The following STAT5B variants were observed in gnomAD, a reference collection of about 807,000 sequenced individuals.
The protein encoded by STAT5B is signal transducer and activator of transcription 5B.
Under a neutral mutation model 107.8 loss-of-function variants are expected in STAT5B, and 21 were observed. The observed-to-expected ratio is 0.19, with a 90% CI of 0.14 to 0.28. The LOEUF (loss-of-function observed/expected upper bound fraction) is 0.28, where lower values mean the gene tolerates loss of function less well. Ranked by LOEUF, STAT5B falls within the 10% of genes least tolerant of loss-of-function variation. STAT5B has a pLI of 1.00. For missense variants in STAT5B, 565 were observed against 1,008.2 expected (o/e 0.56, Z 5.95); for synonymous variants, 325 against 401.7 (o/e 0.81, Z 2.28).
intron 1 of STAT5B, among the ~76,000 whole-genome samples, chr17:42,259,887 T>C (rs1217071290): frequency 7.2e-5 from 11 of 152,190 alleles, no homozygotes; most frequent in Non-Finnish European, 7.3e-5. Flanking sequence ...AGTTCCAGGA[T>C]ACATGTGCAG....
Position 42,212,040 on chromosome 17 carries a change from T to C in STAT5B, c.1624A>G (p.Ser542Gly), listed in dbSNP as rs761733940. The change falls in exon 13 of 19, where the codon AGC (serine) becomes GGC (glycine). Residue 542 changes from serine to glycine, a missense_variant. By Grantham distance (56) the Ser-to-Gly change is moderately conservative. Coordinates refer to ENST00000293328, the MANE Select transcript of STAT5B (RefSeq NM_012448.4). ...CCACTGTAGTCCTCCAGGTGGCTGC[T>C]GCTGTTGTTGAACAGTTTCTGCGCC... ...FLAQKLFNNSSSHLEDYSGLS... is the reference protein window; with the variant it reads ...FLAQKLFNNSGSHLEDYSGLS... 6.2e-7 allele frequency: 1 copy of C among 1,614,050 alleles called. No individual in the cohort carries two copies. Among genetic ancestry groups the C allele is most frequent in the South Asian group, 1.1e-5 (1 of 91,070 alleles).
At chr17:42,241,235 G>A (rs1480071721) in intron 1 of STAT5B, among the ~76,000 whole-genome samples, 1 of 151,578 alleles carries the variant, frequency 6.6e-6, no homozygotes, top group Non-Finnish European at 1.5e-5. Context: ...AGCTACTTGG[G>A]ATGCTGAGGC....
intron 1 of STAT5B, among the ~76,000 whole-genome samples, chr17:42,245,130 T>C (rs2080440531): frequency 7.1e-6 from 1 of 141,670 alleles, no homozygotes; most frequent in African/African-American, 2.7e-5. Context: ...CAGGTTGGAG[T>C]GCAGTGGCGC....
Position 42,251,353 on chromosome 17 carries a change from G to A in STAT5B, c.-10-19216C>T, listed in dbSNP as rs910361468. Among the ~76,000 whole-genome samples the A allele has an allele frequency of 2.6e-5, 4 of 152,194 alleles. No homozygotes were observed. In the East Asian group the frequency reaches 7.7e-4, roughly 29 times the overall value. On this transcript the variant is annotated intron_variant, in intron 1 of 18. Transcript: ENST00000293328. ...AATGCAACATTTCCTATAAGAAGCT[G>A]AGTTGTTAACTTTGTTAAACTTGTT...
At chr17:42,238,314 C>T (rs1478295665) in intron 1 of STAT5B, among the ~76,000 whole-genome samples, 1 of 137,858 alleles carries the variant, frequency 7.3e-6, no homozygotes, top group Admixed American at 7.3e-5. Context: ...AAGAAAAAAA[C>T]TTTTTTTTTT....
intron 17 of STAT5B, 148 bp from the exon 18 acceptor site, chr17:42,202,595 G>A: frequency 2.1e-6 from 3 of 1,431,420 alleles, no homozygotes; most frequent in Non-Finnish European, 2.9e-6. Context: ...ACAGGAGTGG[G>A]GCCTCAGGTA....
At chr17:42,240,033 C>CT (rs2080389696) in intron 1 of STAT5B, among the ~76,000 whole-genome samples, 1 of 152,204 alleles carries the variant, frequency 6.6e-6, no homozygotes, top group East Asian at 1.9e-4. Context: ...ATTTGGGAGA[C>CT]TGAGGCAGGG....
chr17:42,284,695 G>A, the STAT5B span, among the ~76,000 whole-genome samples: 4 of 152,354 alleles, frequency 2.6e-5, no homozygotes, highest in South Asian at 4.1e-4. Context: ...GCTCCGCACC[G>A]CAGAAAAATG....
At chr17:42,278,703 G>T (rs184395479), upstream of STAT5B, among the ~76,000 whole-genome samples, 3 of 152,116 alleles carry the variant, frequency 2.0e-5, no homozygotes, top group Admixed American at 1.3e-4. Flanking sequence ...TTTGTAGGCC[G>T]GGCACGGTGG....
At chr17:42,273,258 C>T (rs1467055802) in intron 1 of STAT5B, among the ~76,000 whole-genome samples, 1 of 151,958 alleles carries the variant, frequency 6.6e-6, no homozygotes, top group Non-Finnish European at 1.5e-5. Context: ...GTTCTATTCA[C>T]AAAGCTCAGA....
chr17:42,205,574 C>T (rs1405801863), intron 16 of STAT5B, among the ~76,000 whole-genome samples: 1 of 152,118 alleles, frequency 6.6e-6, no homozygotes, highest in Non-Finnish European at 1.5e-5. Flanking sequence ...TTCTCTAGAT[C>T]TTTGTATGGC....
chr17:42,251,543 G>A (rs906016863), intron 1 of STAT5B, among the ~76,000 whole-genome samples: 2 of 152,142 alleles, frequency 1.3e-5, no homozygotes, highest in African/African-American at 4.8e-5. Flanking sequence ...ACCCCAGTGT[G>A]TAAGACAGGA....
In STAT5B at chr17:42,202,983, T is replaced by C. The variant is rs149564564; in HGVS notation, c.2078-175A>G. ...TTTTTGAAACAGTCTCACTCTCTCA[T>C]CCAGGCTGGAGTACGGTGGTGCAAT... On this transcript the variant is annotated intron_variant, in intron 16 of 18. Transcript: ENST00000293328. The C allele has an allele frequency of 4.4e-4, 371 of 834,260 alleles. 1 individual carries two copies. Among genetic ancestry groups the C allele is most frequent in the Non-Finnish European group, 6.8e-4 (353 of 516,246 alleles). The allele number at this position is 834,260 out of a possible 1,614,324, so 51.7% of individuals were successfully genotyped here.
Position 42,217,425 on chromosome 17 carries a change from C to A in STAT5B, c.1209G>T (p.Met403Ile), listed in dbSNP as rs2080181574. ...GGGTGCCTGTGGCTTGGTGGTACTC[C>A]ATGACGCAGCAGTTGTTCAAGATCT... Reference protein sequence around the residue: ...SGEILNNCCVMEYHQATGTLS... With the variant: ...SGEILNNCCVIEYHQATGTLS... Residue 403 changes from methionine (M) to isoleucine (I), a missense_variant, in exon 10 of 19, where the codon ATG becomes ATT. Met to Ile is a conservative substitution (Grantham distance 10). Around this residue, in one of 11 missense-constraint regions of STAT5B, gnomAD observed 70 missense variants for 73.2 expected, o/e 0.96. Coordinates refer to ENST00000293328, the MANE Select transcript of STAT5B (RefSeq NM_012448.4). 6.2e-7 allele frequency: 1 copy of A among 1,614,092 alleles called. No individual in the cohort carries two copies. Among genetic ancestry groups the A allele is most frequent in the Admixed American group, 1.7e-5 (1 of 60,008 alleles).
intron 1 of STAT5B, among the ~76,000 whole-genome samples, chr17:42,262,474 C>A (rs891552849): frequency 6.6e-6 from 1 of 151,930 alleles, no homozygotes; most frequent in Non-Finnish European, 1.5e-5. Context: ...ATGACTTATA[C>A]CCAAGAGAAA....
chr17:42,267,186 G>A (rs1309247996), intron 1 of STAT5B, among the ~76,000 whole-genome samples: 2 of 152,114 alleles, frequency 1.3e-5, no homozygotes, highest in Non-Finnish European at 2.9e-5. Flanking sequence ...ACATACAATT[G>A]CGTGCAGTAC....
intron 1 of STAT5B, among the ~76,000 whole-genome samples, chr17:42,252,856 AT>A (rs1283526381): frequency 6.6e-6 from 1 of 152,252 alleles, no homozygotes; most frequent in African/African-American, 2.4e-5. Flanking sequence ...ATGAGCTAAA[AT>A]TCCAAAGAAA....
At chr17:42,244,244 T>C (rs2080431579) in intron 1 of STAT5B, among the ~76,000 whole-genome samples, 1 of 150,416 alleles carries the variant, frequency 6.6e-6, no homozygotes, top group Admixed American at 6.6e-5. Context: ...TGTGCCACCA[T>C]GCCCGGCTAA....
At chr17:42,256,905 T>C (rs2080551070) in intron 1 of STAT5B, among the ~76,000 whole-genome samples, 1 of 150,922 alleles carries the variant, frequency 6.6e-6, no homozygotes, top group Admixed American at 6.6e-5. Flanking sequence ...ATACTTGTTC[T>C]ATTTTATTAT....
Sources: allele counts gnomAD v4.1 joint callset (sites outside exome capture counted in the v4.1 genomes callset), GRCh38; gene constraint gnomAD v4.1.1; regional missense constraint gnomAD v4.1.1; transcripts MANE v1.5; gene names NCBI Gene and HGNC (gene_info 2026-07-23, HGNC 2026-07-21).